The following AXL variants were observed in gnomAD, a reference collection of about 807,000 sequenced individuals.
AXL encodes AXL receptor tyrosine kinase, also known as tyrosine-protein kinase receptor UFO.
In AXL, 52 loss-of-function variants were observed where a neutral mutation model predicts 104.5. The observed-to-expected ratio is 0.50, with a 90% CI of 0.40 to 0.63. The LOEUF is 0.63. AXL is among the 20% of genes least tolerant of loss of function. AXL has a pLI of 0.00. For synonymous variants in AXL, 455 were observed against 473.7 expected, an observed-to-expected ratio of 0.96 and a Z score of 0.51; for missense variants, 1,024 against 1,188.5, an observed-to-expected ratio of 0.86 and a Z score of 2.04.
intron 12 of AXL, among the ~76,000 whole-genome samples, chr19:41,245,713 C>CA (rs371879527): frequency 0.034 from 2,109 of 62,096 alleles, 33 homozygotes; most frequent in South Asian, 0.079. Context: ...GACACCGTCT[C>CA]AAAAAAAAAA....
chr19:41,221,837 G>T, intron 3 of AXL, 43 bp from the exon 4 acceptor site: 1 of 1,596,068 alleles, frequency 6.3e-7, no homozygotes, highest in Non-Finnish European at 8.5e-7. Flanking sequence ...GCATCTTGGG[G>T]CCTCAGAGGG....
chr19:41,233,486 C>T (rs1285057808), intron 6 of AXL, among the ~76,000 whole-genome samples: 1 of 151,594 alleles, frequency 6.6e-6, no homozygotes, highest in East Asian at 2.0e-4. Context: ...AAAAAATTAG[C>T]TCAGTGTGGT....
In AXL at chr19:41,232,336, A is replaced by G. The variant is rs535776975; in HGVS notation, c.783+1038A>G. ...TTGCTCCTAGAATAAGAAAACCAAA[A>G]CCAGGCCAGGTGTGGTGGCTTACAC... On this transcript the variant is annotated intron_variant, in intron 6 of 19. Coordinates refer to ENST00000301178, the MANE Select transcript of AXL (RefSeq NM_021913.5). 2.0e-5 allele frequency among the ~76,000 whole-genome samples: 3 copies of G among 152,134 alleles called. No individual in the cohort carries two copies. The South Asian group carries it at 6.2e-4, about 32-fold the overall frequency.
At chr19:41,253,251 G>A (rs8100464) in intron 16 of AXL, among the ~76,000 whole-genome samples, 2 of 152,194 alleles carry the variant, frequency 1.3e-5, no homozygotes, top group African/African-American at 4.8e-5. Context: ...TGACCGTGAA[G>A]GAGTTGGGGC....
At chr19:41,236,380 T>C (rs1415204490) in intron 6 of AXL, among the ~76,000 whole-genome samples, 1 of 150,066 alleles carries the variant, frequency 6.7e-6, no homozygotes, top group Non-Finnish European at 1.5e-5. Flanking sequence ...CTCACGCCTG[T>C]AATCCCATCT....
intron 12 of AXL, among the ~76,000 whole-genome samples, chr19:41,245,934 C>T (rs1310196116): frequency 1.3e-5 from 2 of 152,178 alleles, no homozygotes; most frequent in Admixed American, 1.3e-4. Flanking sequence ...AGCATCCATT[C>T]TCAGGGTGTG....
chr19:41,238,714 C>T, intron 8 of AXL, 105 bp downstream of exon 8: 2 of 1,424,322 alleles, frequency 1.4e-6, no homozygotes, highest in South Asian at 3.0e-5. Flanking sequence ...TACACAATTG[C>T]TCTATGCCTA....
Position 41,253,727 on chromosome 19 carries a change from C to CG in AXL, c.2036+19_2036+20insG. 1 of 68,614 alleles carries CG rather than the reference C, an allele frequency of 1.5e-5. No individual in the cohort carries two copies. Among genetic ancestry groups the CG allele is most frequent in the Non-Finnish European group, 2.8e-5 (1 of 35,904 alleles). 4.3% of individuals were successfully genotyped at this position (68,614 alleles called of 1,614,324 possible). A position where few individuals can be genotyped will look rare whatever the true frequency, so the allele number is the denominator to read the frequency against. On this transcript the variant is annotated intron_variant, in intron 17 of 19. Coordinates refer to ENST00000301178, the MANE Select transcript of AXL (RefSeq NM_021913.5). ...ACTGCATGTGAGTGCCTTTCAGGGACCCCCCCCCCCCAACTGCTCCTGCAC... is the reference window on the plus strand; with the variant it reads ...ACTGCATGTGAGTGCCTTTCAGGGACGCCCCCCCCCCCAACTGCTCCTGCAC...
chr19:41,237,321 T>C (rs568086666), intron 6 of AXL, among the ~76,000 whole-genome samples: 4 of 152,284 alleles, frequency 2.6e-5, no homozygotes, highest in African/African-American at 9.6e-5. Context: ...TAGCTCACTG[T>C]AACCTCTGCC....
chr19:41,236,352 A>T (rs77423900), intron 6 of AXL, among the ~76,000 whole-genome samples: 1 of 145,192 alleles, frequency 6.9e-6, no homozygotes, highest in African/African-American at 2.6e-5. Flanking sequence ...AAAAAAAAAA[A>T]TTAGTCAAGC....
chr19:41,251,391 G>A (rs1049517193), intron 14 of AXL, among the ~76,000 whole-genome samples: 3 of 151,788 alleles, frequency 2.0e-5, no homozygotes, highest in Admixed American at 1.3e-4. Context: ...GTGAAACCCC[G>A]TTTCTACTAA....
intron 12 of AXL, among the ~76,000 whole-genome samples, chr19:41,246,066 C>T (rs754235382): frequency 3.3e-5 from 5 of 152,202 alleles, no homozygotes; most frequent in African/African-American, 7.2e-5. Context: ...TAGCATTCAG[C>T]GCAGTTTTCC....
chr19:41,241,495 G>T (rs979749680), intron 10 of AXL, among the ~76,000 whole-genome samples: 1 of 132,856 alleles, frequency 7.5e-6, no homozygotes, highest in African/African-American at 2.9e-5. Flanking sequence ...AGTGAGCCAA[G>T]ATCATGCCAC....
At chr19:41,229,081 C>T (rs2033932140) in intron 4 of AXL, among the ~76,000 whole-genome samples, 1 of 151,516 alleles carries the variant, frequency 6.6e-6, no homozygotes, top group Non-Finnish European at 1.5e-5. Flanking sequence ...TCCTGAGTAG[C>T]TGGGATTAAA....
chr19:41,229,990 C>A (rs1282188602), intron 4 of AXL, among the ~76,000 whole-genome samples: 1 of 150,808 alleles, frequency 6.6e-6, no homozygotes, highest in East Asian at 2.0e-4. Flanking sequence ...TCTGTGTATG[C>A]TTTTGTGTGT....
At chr19:41,235,949 C>G (rs901991968) in intron 6 of AXL, among the ~76,000 whole-genome samples, 1 of 151,948 alleles carries the variant, frequency 6.6e-6, no homozygotes, top group Non-Finnish European at 1.5e-5. Context: ...GTAATCCCAG[C>G]ACTTTGGGAG....
chr19:41,236,442 C>T (rs981004922), intron 6 of AXL, among the ~76,000 whole-genome samples: 5 of 151,650 alleles, frequency 3.3e-5, no homozygotes, highest in African/African-American at 1.2e-4. Flanking sequence ...GCGGAGATTG[C>T]AGTGAGCCGA....
At chr19:41,224,368 T>C (rs2033842914) in intron 4 of AXL, among the ~76,000 whole-genome samples, 1 of 151,962 alleles carries the variant, frequency 6.6e-6, no homozygotes, top group Non-Finnish European at 1.5e-5. Flanking sequence ...TCTTACCACC[T>C]TTTTTCCCCC....
At chr19:41,253,768 C>A (rs2122281414) in intron 17 of AXL, 60 bp downstream of exon 17, 1 of 1,304,430 alleles carries the variant, frequency 7.7e-7, no homozygotes, top group South Asian at 1.2e-5. Context: ...GAGGGAGTTC[C>A]CTCCCTCCTT....
Sources: allele counts gnomAD v4.1 joint callset (sites outside exome capture counted in the v4.1 genomes callset), GRCh38; gene constraint gnomAD v4.1.1; transcripts MANE v1.5; gene names NCBI Gene and HGNC (gene_info 2026-07-23, HGNC 2026-07-21).